Variants in SLC60A1 observed in about 807,000 individuals in gnomAD.
SLC60A1 encodes solute carrier family 60 member 1.
At chr1:205,591,366 C>T in the SLC60A1 span, among the ~76,000 whole-genome samples, 4 of 151,564 alleles carry the variant, frequency 2.6e-5, no homozygotes, top group East Asian at 3.9e-4. Context: ...CCTGAGGTCC[C>T]AGCTACTCAG....
the SLC60A1 span, chr1:205,579,720 C>T: frequency 3.1e-6 from 5 of 1,612,432 alleles, no homozygotes; most frequent in African/African-American, 6.7e-5. Context: ...CTTCCAGCCC[C>T]ATCCCCTGAC....
chr1:205,597,973 G>C, the SLC60A1 span: 1 of 1,022,668 alleles, frequency 9.8e-7, no homozygotes, highest in Non-Finnish European at 1.5e-6. Context: ...AGCAAAGCCA[G>C]CAGGGCCCCC....
At chr1:205,579,765 T>C in the SLC60A1 span, 1 of 1,614,036 alleles carries the variant, frequency 6.2e-7, no homozygotes, top group Admixed American at 1.7e-5. Flanking sequence ...GCCCAGTCAC[T>C]ATGGGCCCTG....
chr1:205,593,453 C>CAAAAA, the SLC60A1 span, among the ~76,000 whole-genome samples: 21 of 83,492 alleles, frequency 2.5e-4, no homozygotes, highest in Non-Finnish European at 3.1e-4. Context: ...GACTCTGTCT[C>CAAAAA]AAAAAAAAAA....
the SLC60A1 span, chr1:205,601,502 T>G: frequency 6.6e-6 from 1 of 152,248 alleles, no homozygotes; most frequent in Non-Finnish European, 1.5e-5. Flanking sequence ...TTTTTTCTAC[T>G]GACATTGACT....
At chr1:205,580,533 C>T in the SLC60A1 span, 14 of 1,233,196 alleles carry the variant, frequency 1.1e-5, no homozygotes, top group African/African-American at 2.1e-4. The surrounding 1 kb of genome is among the most constrained non-coding windows in gnomAD (Gnocchi z 5.0). Context: ...ACAGCCCCTA[C>T]ATGGGGCAGA....
chr1:205,582,323 G>A, the SLC60A1 span, among the ~76,000 whole-genome samples: 1 of 152,180 alleles, frequency 6.6e-6, no homozygotes. Flanking sequence ...CAGGATTTCC[G>A]GACTTTTTCT....
the SLC60A1 span, among the ~76,000 whole-genome samples, chr1:205,596,741 A>G: frequency 7.9e-5 from 12 of 152,096 alleles, no homozygotes; most frequent in South Asian, 2.5e-3. Context: ...AAACCACTTG[A>G]AAGTCCTTGG....
chr1:205,590,508 TGAGCCTC>T, the SLC60A1 span, among the ~76,000 whole-genome samples: 1 of 152,236 alleles, frequency 6.6e-6, no homozygotes, highest in Non-Finnish European at 1.5e-5. Context: ...GTAAGGCCTC[TGAGCCTC>T]GAGACCACCT....
At chr1:205,585,000 G>C in the SLC60A1 span, 1 of 1,610,366 alleles carries the variant, frequency 6.2e-7, no homozygotes, top group Non-Finnish European at 8.5e-7. Flanking sequence ...CGGTGAGCCT[G>C]CCTCAGAGGG....
chr1:205,579,238 T>C, the SLC60A1 span, among the ~76,000 whole-genome samples: 19 of 152,266 alleles, frequency 1.2e-4, no homozygotes, highest in African/African-American at 2.6e-4. Context: ...GCCGGGTGCC[T>C]GTGAAGCAAT....
the SLC60A1 span, among the ~76,000 whole-genome samples, chr1:205,569,756 C>A: frequency 3.7e-4 from 56 of 152,110 alleles, no homozygotes; most frequent in African/African-American, 1.4e-3. Flanking sequence ...GGAGGGCCAG[C>A]TCTGTGGCGG....
chr1:205,591,061 C>T, the SLC60A1 span, among the ~76,000 whole-genome samples: 1 of 152,200 alleles, frequency 6.6e-6, no homozygotes, highest in Non-Finnish European at 1.5e-5. Flanking sequence ...TCTTGTGCTG[C>T]CTGGGTTTAT....
chr1:205,572,816 G>C, the SLC60A1 span, among the ~76,000 whole-genome samples: 32 of 152,138 alleles, frequency 2.1e-4, no homozygotes, highest in African/African-American at 7.5e-4. Flanking sequence ...GCTATCATAG[G>C]GTCCCAACTC....
the SLC60A1 span, among the ~76,000 whole-genome samples, chr1:205,584,297 T>C: frequency 1.3e-4 from 19 of 149,972 alleles, no homozygotes; most frequent in East Asian, 3.7e-3. Context: ...TCTCGGCTCA[T>C]TGCAACCTCC....
At chr1:205,587,608 T>C in the SLC60A1 span, among the ~76,000 whole-genome samples, 4 of 152,128 alleles carry the variant, frequency 2.6e-5, no homozygotes, top group African/African-American at 9.7e-5. Context: ...GGCCTGCTTA[T>C]AGTAGAGGAT....
the SLC60A1 span, chr1:205,585,065 G>T: frequency 7.8e-7 from 1 of 1,283,886 alleles, no homozygotes; most frequent in Non-Finnish European, 1.1e-6. This position sits in a 1 kb window ranked among gnomAD's most constrained non-coding sequence, Gnocchi z 4.2. Flanking sequence ...AAAGGCAAGA[G>T]AAAGAGAGGA....
At chr1:205,590,074 A>G in the SLC60A1 span, among the ~76,000 whole-genome samples, 1 of 152,168 alleles carries the variant, frequency 6.6e-6, no homozygotes, top group Non-Finnish European at 1.5e-5. Context: ...TTAAGAGTCT[A>G]GTTTGGGCCA....
the SLC60A1 span, chr1:205,598,930 A>T: frequency 1.5e-6 from 1 of 647,632 alleles, no homozygotes; most frequent in Non-Finnish European, 2.7e-6. Flanking sequence ...TCCCTGCCTT[A>T]GAGCAGGACT....
Sources: gnomAD v4.1 joint callset for allele counts (sites outside exome capture counted in the v4.1 genomes callset) on GRCh38, gnomAD v4.1.1 for gene constraint, Gnocchi (gnomAD v3.1) non-coding constraint, MANE v1.5 for transcripts, NCBI Gene and HGNC (gene_info 2026-07-23, HGNC 2026-07-21) for gene names.